The following LINGO2 variants were observed in gnomAD, a reference collection of about 807,000 sequenced individuals.
The protein encoded by LINGO2 is leucine-rich repeat and immunoglobulin-like domain-containing nogo receptor-interacting protein 2.
Under a neutral mutation model 30.6 loss-of-function variants are expected in LINGO2, and 14 were observed. That is an observed-to-expected ratio of 0.46 (90% CI 0.30 to 0.72). The LOEUF is 0.72. Ranked by LOEUF, LINGO2 falls within the 30% of genes least tolerant of loss-of-function variation. The pLI is 0.07. For missense variants in LINGO2, 729 were observed against 751.7 expected, an observed-to-expected ratio of 0.97 and a Z score of 0.35; for synonymous variants, 317 against 288.5, an observed-to-expected ratio of 1.10 and a Z score of -1.00.
At chr9:28,551,151 A>G (rs1423644863) in intron 1 of LINGO2, among the ~76,000 whole-genome samples, 1 of 151,806 alleles carries the variant, frequency 6.6e-6, no homozygotes. Context: ...TAATCATTAA[A>G]GCAAGTCTTG....
intron 4 of LINGO2, among the ~76,000 whole-genome samples, chr9:28,090,483 A>C (rs1227131550): frequency 6.6e-6 from 1 of 152,196 alleles, no homozygotes; most frequent in East Asian, 1.9e-4. Context: ...ATCTCAATAG[A>C]AGCAGAAAAG....
At chr9:28,340,452 A>G (rs1451741104) in intron 3 of LINGO2, among the ~76,000 whole-genome samples, 1 of 152,170 alleles carries the variant, frequency 6.6e-6, no homozygotes, top group East Asian at 1.9e-4. Flanking sequence ...TTGTAATTAT[A>G]TGAAATTTGA....
chr9:28,454,053 T>G (rs144468681), intron 2 of LINGO2, among the ~76,000 whole-genome samples: 12 of 152,124 alleles, frequency 7.9e-5, no homozygotes, highest in African/African-American at 2.6e-4. Context: ...TGAGACACGC[T>G]AAAATCAGTC....
chr9:28,595,917 T>C (rs560319828), intron 1 of LINGO2, among the ~76,000 whole-genome samples: 115 of 152,276 alleles, frequency 7.6e-4, no homozygotes, highest in African/African-American at 2.6e-3. Context: ...TAAAATGGGA[T>C]ACTTTTGCAT....
At chr9:28,097,741 C>T (rs1205131228) in intron 4 of LINGO2, among the ~76,000 whole-genome samples, 10 of 149,650 alleles carry the variant, frequency 6.7e-5, no homozygotes, top group Admixed American at 2.7e-4. Context: ...TGCTAAATGA[C>T]GAGTTAATGG....
chr9:28,237,121 G>GT lies in LINGO2; in HGVS notation c.-87+58086_-87+58087insA, dbSNP rs574426430. Among the ~76,000 whole-genome samples the GT allele has an allele frequency of 2.8e-4, 39 of 141,270 alleles. 1 individual carries two copies. Among genetic ancestry groups the GT allele is most frequent in the African/African-American group, 9.8e-4 (37 of 37,612 alleles). 92.7% of individuals were successfully genotyped at this position (141,270 alleles called of 152,430 possible). A position where few individuals can be genotyped will look rare whatever the true frequency, so the allele number is the denominator to read the frequency against. ...AAACAAAATAGTTAAACAGTGCGGG[G>GT]GGGGGGTAAAGTTAAATGTAGGATT... On this transcript the variant is annotated intron_variant, in intron 4 of 5. Coordinates refer to ENST00000379992, the Ensembl canonical transcript of LINGO2.
chr9:28,495,055 T>G (rs1819549248), intron 1 of LINGO2, among the ~76,000 whole-genome samples: 1 of 152,214 alleles, frequency 6.6e-6, no homozygotes, highest in Non-Finnish European at 1.5e-5. Context: ...GCCCACTTTT[T>G]GATGGGGTTG....
chr9:28,447,706 T>C (rs1454403493), intron 2 of LINGO2, among the ~76,000 whole-genome samples: 1 of 152,230 alleles, frequency 6.6e-6, no homozygotes, highest in African/African-American at 2.4e-5. Context: ...TCAGTATTCA[T>C]TAAAGTCTAA....
intron 4 of LINGO2, among the ~76,000 whole-genome samples, chr9:28,018,309 AT>A (rs1468201931): frequency 3.3e-5 from 5 of 152,180 alleles, no homozygotes; most frequent in African/African-American, 1.2e-4. Context: ...CAAAGATTTC[AT>A]GATGAAGATG....
At chr9:28,460,874 C>G (rs1286991033) in intron 2 of LINGO2, among the ~76,000 whole-genome samples, 1 of 152,018 alleles carries the variant, frequency 6.6e-6, no homozygotes, top group Non-Finnish European at 1.5e-5. Context: ...AGCAAGAACT[C>G]AACTTCGTCA....
the LINGO2 span, among the ~76,000 whole-genome samples, chr9:28,869,713 CAAAATCAATAGGTGATCAATAGGTCA>C: frequency 1.3e-5 from 2 of 151,798 alleles, no homozygotes; most frequent in Admixed American, 6.6e-5. Flanking sequence ...TCAATAGGTC[CAAAATCAATAGGTGATCAATAGGTCA>C]AAAATCAATA....
chr9:28,516,024 C>G (rs1025621632), intron 1 of LINGO2, among the ~76,000 whole-genome samples: 2 of 152,222 alleles, frequency 1.3e-5, no homozygotes, highest in Admixed American at 1.3e-4. Flanking sequence ...AGCAAAAGGA[C>G]TGTGACTTGT....
intron 4 of LINGO2, among the ~76,000 whole-genome samples, chr9:28,265,871 T>C (rs1317107734): frequency 1.3e-5 from 2 of 151,980 alleles, no homozygotes; most frequent in Non-Finnish European, 2.9e-5. Context: ...TGCTGTATGC[T>C]TTGGTTAGGT....
At chr9:29,020,267 A>G in the LINGO2 span, among the ~76,000 whole-genome samples, 1 of 152,218 alleles carries the variant, frequency 6.6e-6, no homozygotes, top group Non-Finnish European at 1.5e-5. Context: ...TAATGGACAG[A>G]ATTGCACAGG....
intron 4 of LINGO2, among the ~76,000 whole-genome samples, chr9:28,281,537 A>T (rs1230232476): frequency 1.3e-5 from 2 of 152,242 alleles, no homozygotes; most frequent in African/African-American, 4.8e-5. Context: ...TAGGCATTTA[A>T]AAAACTGAAT....
chr9:29,124,078 A>C, the LINGO2 span, among the ~76,000 whole-genome samples: 1 of 152,190 alleles, frequency 6.6e-6, no homozygotes, highest in African/African-American at 2.4e-5. Context: ...GACCAATGGA[A>C]CACAACAGAG....
At chr9:29,077,896 T>A in the LINGO2 span, among the ~76,000 whole-genome samples, 1 of 151,854 alleles carries the variant, frequency 6.6e-6, no homozygotes, top group South Asian at 2.1e-4. Flanking sequence ...AAAAGCAGCA[T>A]CTATCAGATC....
chr9:28,753,565 T>C, the LINGO2 span, among the ~76,000 whole-genome samples: 3 of 152,006 alleles, frequency 2.0e-5, no homozygotes, highest in Admixed American at 6.5e-5. Context: ...TATCTGAGGA[T>C]AGAGGGGTCA....
At chr9:28,634,600 C>T (rs1827169049) in intron 1 of LINGO2, among the ~76,000 whole-genome samples, 1 of 151,620 alleles carries the variant, frequency 6.6e-6, no homozygotes, top group Admixed American at 6.6e-5. Context: ...ATTCTCGTGC[C>T]TCAGCCTCCC....
Sources: gnomAD v4.1 joint callset for allele counts (sites outside exome capture counted in the v4.1 genomes callset) on GRCh38, gnomAD v4.1.1 for gene constraint, MANE v1.5 for transcripts, NCBI Gene and HGNC (gene_info 2026-07-23, HGNC 2026-07-21) for gene names.